The following RGS7BP variants were observed in gnomAD, a reference collection of about 807,000 sequenced individuals.
RGS7BP encodes regulator of G protein signaling 7-binding protein.
In RGS7BP, 9 loss-of-function variants were observed where a neutral mutation model predicts 31.3. That is an observed-to-expected ratio of 0.29 (90% CI 0.17 to 0.50). The LOEUF is 0.50. RGS7BP is among the 20% of genes least tolerant of loss of function. The pLI, the probability that RGS7BP is intolerant of heterozygous loss-of-function variation, is 0.98. For missense variants in RGS7BP, 274 were observed against 322.0 expected, an observed-to-expected ratio of 0.85 and a Z score of 1.14; for synonymous variants, 115 against 120.1, an observed-to-expected ratio of 0.96 and a Z score of 0.28.
intron 2 of RGS7BP, among the ~76,000 whole-genome samples, chr5:64,526,746 AT>A (rs899868997): frequency 1.1e-4 from 16 of 152,080 alleles, no homozygotes; most frequent in African/African-American, 3.9e-4. Context: ...TTTTACAGAA[AT>A]TCAACCCTGG....
rs80146195 is a variant in RGS7BP, at chr5:64,591,348, A to C, written c.464-3362A>C. Among the ~76,000 whole-genome samples, 1,197 of 152,240 alleles carry C rather than the reference A, an allele frequency of 7.9e-3. 13 individuals carry two copies. Among genetic ancestry groups the C allele is most frequent in the South Asian group, 0.016 (79 of 4,826 alleles). ...AACTTAAAAGTGTTTTTAAAAAGAA[A>C]GTAAAAAACAAAAAAAGAAAAGAAG... On this transcript the variant is annotated intron_variant, in intron 3 of 5. Transcript: ENST00000334025.
Position 64,610,385 on chromosome 5 carries a change from A to G in RGS7BP, c.*1133A>G, listed in dbSNP as rs1251771641. 6.6e-6 allele frequency: 1 copy of G among 152,186 alleles called. No individual in the cohort carries two copies. Among genetic ancestry groups the G allele is most frequent in the Non-Finnish European group, 1.5e-5 (1 of 67,924 alleles). 9.4% of individuals were successfully genotyped at this position (152,186 alleles called of 1,614,324 possible). ...GATCTTCCTTCACTAAACTTGTAAC[A>G]TGGTACAAATTTTGTTATACCGTCT... On this transcript the variant is annotated 3_prime_UTR_variant, in exon 6 of 6. Transcript: ENST00000334025.
chr5:64,522,946 A>G (rs533630110), intron 2 of RGS7BP, among the ~76,000 whole-genome samples: 1 of 152,236 alleles, frequency 6.6e-6, no homozygotes, highest in South Asian at 2.1e-4. Context: ...TCTGAGAGGG[A>G]AATTCTGTGG....
chr5:64,596,637 C>G (rs1398064277), intron 4 of RGS7BP, among the ~76,000 whole-genome samples: 2 of 152,168 alleles, frequency 1.3e-5, no homozygotes, highest in African/African-American at 4.8e-5. Context: ...TCCTGCCCTC[C>G]TCTCTCACTT....
At chr5:64,579,279 CT>C (rs1458391052) in intron 3 of RGS7BP, among the ~76,000 whole-genome samples, 2 of 152,180 alleles carry the variant, frequency 1.3e-5, no homozygotes, top group East Asian at 3.9e-4. Flanking sequence ...GGCACGATGG[CT>C]CATGTATGTA....
Position 64,599,012 on chromosome 5 carries a change from A to G in RGS7BP, c.682+577A>G, listed in dbSNP as rs117452477. ...AATCAGGCAGTGTGTCTCCAGGTCT[A>G]TCCTATGGGAGTATATGCCCTAATG... is the stretch of plus-strand genomic sequence containing the variant. On this transcript the variant is annotated intron_variant, in intron 5 of 5. Coordinates refer to ENST00000334025, the MANE Select transcript of RGS7BP (RefSeq NM_001029875.3). 3.3e-4 allele frequency among the ~76,000 whole-genome samples: 50 copies of G among 152,312 alleles called. 1 individual carries two copies. In the East Asian group the frequency reaches 7.3e-3, roughly 22 times the overall value.
Position 64,506,647 on chromosome 5 carries a change from G to T in RGS7BP, c.23G>T (p.Arg8Leu). 6.2e-7 allele frequency: 1 copy of T among 1,610,834 alleles called. No homozygotes were observed. MSSAPNG[R>L]KKRPSRSTRS... ...TGCATGAGTTCTGCACCGAATGGGC[G>T]CAAAAAGCGCCCCAGCCGGTCCACC... The change falls in exon 1 of 6, where the codon CGC becomes CTC. Residue 8 changes from arginine (R) to leucine (L), a missense_variant. This residue lies in a region of RGS7BP where 149 missense variants were observed against 152.6 expected (regional missense o/e 0.98). Coordinates refer to ENST00000334025, the MANE Select transcript of RGS7BP (RefSeq NM_001029875.3). This position sits in a 1 kb window ranked among gnomAD's most constrained non-coding sequence, Gnocchi z 4.6.
At chr5:64,541,873 T>G (rs1259580211) in intron 2 of RGS7BP, among the ~76,000 whole-genome samples, 4 of 152,198 alleles carry the variant, frequency 2.6e-5, no homozygotes, top group Non-Finnish European at 5.9e-5. Context: ...TTCTTTTGAT[T>G]TTTTTAAATT....
At chr5:64,562,921 C>A (rs1487685383) in intron 2 of RGS7BP, among the ~76,000 whole-genome samples, 1 of 152,096 alleles carries the variant, frequency 6.6e-6, no homozygotes, top group Non-Finnish European at 1.5e-5. Flanking sequence ...AGTAAAACTT[C>A]CTGTTCCTAG....
intron 2 of RGS7BP, among the ~76,000 whole-genome samples, chr5:64,555,333 C>T (rs189897506): frequency 6.6e-6 from 1 of 152,166 alleles, no homozygotes; most frequent in Non-Finnish European, 1.5e-5. Flanking sequence ...AGGAGCTCAT[C>T]ACATTTTAGA....
At chr5:64,558,332 A>G (rs1017292410) in intron 2 of RGS7BP, among the ~76,000 whole-genome samples, 1 of 152,172 alleles carries the variant, frequency 6.6e-6, no homozygotes, top group African/African-American at 2.4e-5. Context: ...GATTTCATGG[A>G]CATTTGTTAG....
intron 3 of RGS7BP, among the ~76,000 whole-genome samples, chr5:64,587,053 C>T (rs1209596558): frequency 3.3e-5 from 5 of 152,116 alleles, no homozygotes; most frequent in Non-Finnish European, 4.4e-5. Context: ...GGCAGTGTTG[C>T]TCTTTCCATT....
At chr5:64,520,184 G>A (rs1224766091) in intron 2 of RGS7BP, among the ~76,000 whole-genome samples, 2 of 152,170 alleles carry the variant, frequency 1.3e-5, no homozygotes, top group Non-Finnish European at 2.9e-5. Context: ...GGTCTCTCTG[G>A]TGCCAGAGTC....
chr5:64,593,120 G>A (rs1173335079), intron 3 of RGS7BP, among the ~76,000 whole-genome samples: 1 of 152,320 alleles, frequency 6.6e-6, no homozygotes, highest in East Asian at 1.9e-4. Flanking sequence ...TGCACATAAA[G>A]TACACAGGAA....
chr5:64,602,377 T>C (rs1259129791), intron 5 of RGS7BP, among the ~76,000 whole-genome samples: 1 of 152,222 alleles, frequency 6.6e-6, no homozygotes, highest in African/African-American at 2.4e-5. Flanking sequence ...GTGTGACGTA[T>C]GTAAACCAAT....
chr5:64,604,016 T>C (rs1402187970), intron 5 of RGS7BP, among the ~76,000 whole-genome samples: 1 of 152,100 alleles, frequency 6.6e-6, no homozygotes, highest in Non-Finnish European at 1.5e-5. Context: ...AAAAGAGAGG[T>C]GGCAAGTGCA....
chr5:64,607,306 T>G (rs1055203726), intron 5 of RGS7BP, among the ~76,000 whole-genome samples: 18 of 152,092 alleles, frequency 1.2e-4, no homozygotes, highest in African/African-American at 4.3e-4. Flanking sequence ...GAAATTTATT[T>G]TGCCAAGATT....
At chr5:64,601,469 C>T in intron 5 of RGS7BP, 1 of 979,460 alleles carries the variant, frequency 1.0e-6, no homozygotes, top group Non-Finnish European at 1.2e-6. Flanking sequence ...AGGAAGGTGG[C>T]CAAGGGCAGG....
In RGS7BP at chr5:64,506,890, C is replaced by A. The variant is rs1247213393; in HGVS notation, c.165+101C>A. The A allele has an allele frequency of 3.6e-6, 4 of 1,123,942 alleles. No individual in the cohort carries two copies. The East Asian group carries it at 7.4e-5, about 21-fold the overall frequency. 69.6% of individuals were successfully genotyped at this position (1,123,942 alleles called of 1,614,324 possible). A position where few individuals can be genotyped will look rare whatever the true frequency, so the allele number is the denominator to read the frequency against. On this transcript the variant is annotated intron_variant, in intron 1 of 5. Coordinates refer to ENST00000334025, the MANE Select transcript of RGS7BP (RefSeq NM_001029875.3). The surrounding 1 kb of genome is among the most constrained non-coding windows in gnomAD (Gnocchi z 4.6). ...TGCCTGAGTGCCAGCCACTCCCCCA[C>A]CCTCAGCTCCTCAATGCCGATCACG...
Sources: allele counts gnomAD v4.1 joint callset (sites outside exome capture counted in the v4.1 genomes callset), GRCh38; gene constraint gnomAD v4.1.1; regional missense constraint gnomAD v4.1.1; non-coding constraint Gnocchi (gnomAD v3.1); transcripts MANE v1.5; gene names NCBI Gene and HGNC (gene_info 2026-07-23, HGNC 2026-07-21).